The following TLN2 variants were observed in gnomAD, a reference collection of about 807,000 sequenced individuals.
The protein encoded by TLN2 is talin-2.
A neutral mutation model predicts 294.7 loss-of-function variants in TLN2; 118 were observed. The ratio of observed to expected loss-of-function variants is 0.40; its 90% CI spans 0.34 to 0.47. The LOEUF (loss-of-function observed/expected upper bound fraction) is 0.47. Among genes scored for constraint, TLN2 ranks in the 20% least tolerant of loss-of-function variants. The pLI is 0.84. For synonymous variants in TLN2, 1,431 were observed against 1,304.5 expected (o/e 1.10, Z -2.09); for missense variants, 3,083 against 3,282.2 (o/e 0.94, Z 1.48).
At chr15:62,698,085 T>C (rs1445895330) in intron 15 of TLN2, among the ~76,000 whole-genome samples, 1 of 152,204 alleles carries the variant, frequency 6.6e-6, no homozygotes, top group Non-Finnish European at 1.5e-5. Context: ...AGGGAGCTCT[T>C]AACATGACTT....
intron 44 of TLN2, among the ~76,000 whole-genome samples, chr15:62,782,552 A>T (rs1393698438): frequency 6.6e-6 from 1 of 152,232 alleles, no homozygotes; most frequent in Non-Finnish European, 1.5e-5. Context: ...CTCAGGCTGC[A>T]TGGCCACTCC....
At chr15:62,801,058 A>C (rs1878782) in intron 50 of TLN2, among the ~76,000 whole-genome samples, 2 of 152,156 alleles carry the variant, frequency 1.3e-5, no homozygotes, top group Non-Finnish European at 2.9e-5. Context: ...ATTGTCAAAG[A>C]TTCCTGGAAA....
intron 1 of TLN2, among the ~76,000 whole-genome samples, chr15:62,466,834 C>T (rs398231): frequency 0.95 from 144,637 of 152,282 alleles, 69,120 homozygotes; most frequent in East Asian, 1. Context: ...ATGCTGATGA[C>T]ACTGACTCTG....
chr15:62,644,628 G>A (rs893377447), intron 3 of TLN2: 2 of 455,906 alleles, frequency 4.4e-6, no homozygotes, highest in Non-Finnish European at 4.4e-6. Flanking sequence ...CCTCTCTCCT[G>A]TGCACCTTGC....
At chr15:62,503,788 C>T (rs62006689) in intron 1 of TLN2, among the ~76,000 whole-genome samples, 1,729 of 152,286 alleles carry the variant, frequency 0.011, 20 homozygotes, top group Non-Finnish European at 0.015. Flanking sequence ...GTGAGCTTGT[C>T]AGAGAACCTG....
chr15:62,816,995 A>G (rs1168049391), intron 52 of TLN2, among the ~76,000 whole-genome samples: 8 of 152,174 alleles, frequency 5.3e-5, no homozygotes, highest in Non-Finnish European at 2.9e-5. Flanking sequence ...TACACACCAG[A>G]AGAATTTTAT....
At chr15:62,502,316 A>G (rs1205201536) in intron 1 of TLN2, among the ~76,000 whole-genome samples, 5 of 152,278 alleles carry the variant, frequency 3.3e-5, no homozygotes, top group African/African-American at 9.6e-5. Context: ...TGGAGTTGCT[A>G]GAAAACAAAG....
chr15:62,509,010 C>T (rs1595972487), intron 1 of TLN2, among the ~76,000 whole-genome samples: 2 of 152,298 alleles, frequency 1.3e-5, no homozygotes, highest in South Asian at 2.1e-4. Context: ...TCCTAACATT[C>T]CTATGAGGTA....
intron 1 of TLN2, among the ~76,000 whole-genome samples, chr15:62,417,842 C>G (rs959857115): frequency 1.3e-5 from 2 of 152,192 alleles, no homozygotes; most frequent in Non-Finnish European, 2.9e-5. Flanking sequence ...TCAGGCCTTC[C>G]CCTCCCTTTT....
intron 32 of TLN2, among the ~76,000 whole-genome samples, chr15:62,742,980 G>A (rs77975738): frequency 0.015 from 2,299 of 152,226 alleles, 51 homozygotes; most frequent in African/African-American, 0.051. Flanking sequence ...GGCCTGATGT[G>A]GGTGACGCCC....
chr15:62,545,366 A>G (rs1034533957), intron 1 of TLN2, among the ~76,000 whole-genome samples: 8 of 152,158 alleles, frequency 5.3e-5, no homozygotes, highest in African/African-American at 1.9e-4. Flanking sequence ...AAAAGTCCAC[A>G]TTTGTCTGTT....
At chr15:62,552,865 G>C (rs2042400292) in intron 1 of TLN2, among the ~76,000 whole-genome samples, 1 of 152,180 alleles carries the variant, frequency 6.6e-6, no homozygotes, top group Non-Finnish European at 1.5e-5. Context: ...TAGGAGCAGA[G>C]GTTCAGTATT....
chr15:62,432,256 G>A (rs2035048639), intron 1 of TLN2, among the ~76,000 whole-genome samples: 1 of 152,174 alleles, frequency 6.6e-6, no homozygotes, highest in Admixed American at 6.5e-5. Context: ...ATTTTAGTCT[G>A]TTTCATGATG....
At chr15:62,728,385 G>A (rs1365274782) in intron 28 of TLN2, among the ~76,000 whole-genome samples, 3 of 152,122 alleles carry the variant, frequency 2.0e-5, no homozygotes, top group South Asian at 2.1e-4. Flanking sequence ...GGGCATTTGG[G>A]TTGTTGCCAA....
intron 26 of TLN2, among the ~76,000 whole-genome samples, chr15:62,723,852 A>AT (rs2060290319): frequency 6.6e-6 from 1 of 151,356 alleles, no homozygotes; most frequent in South Asian, 2.1e-4. Context: ...ACCCGGCAAT[A>AT]TTTTTTAATA....
At chr15:62,727,671 C>T (rs1264112771) in intron 28 of TLN2, among the ~76,000 whole-genome samples, 1 of 152,078 alleles carries the variant, frequency 6.6e-6, no homozygotes, top group Non-Finnish European at 1.5e-5. Context: ...GGCCAGGTAC[C>T]CCTGAAGGTA....
chr15:62,569,339 G>A (rs1376156388), intron 1 of TLN2, among the ~76,000 whole-genome samples: 1 of 152,242 alleles, frequency 6.6e-6, no homozygotes, highest in Non-Finnish European at 1.5e-5. Context: ...AGAGGCAGAG[G>A]TATGCTCTCA....
At chr15:62,837,284 G>T (rs563469135) in intron 57 of TLN2, among the ~76,000 whole-genome samples, 1 of 152,162 alleles carries the variant, frequency 6.6e-6, no homozygotes, top group African/African-American at 2.4e-5. Context: ...CTGCATGTTC[G>T]TTTGTGAATA....
chr15:62,413,283 G>A (rs946167932), intron 1 of TLN2, among the ~76,000 whole-genome samples: 3 of 152,152 alleles, frequency 2.0e-5, no homozygotes, highest in Admixed American at 6.5e-5. Flanking sequence ...TCAGAATCCA[G>A]GGATCTTATT....
Sources: gnomAD v4.1 joint callset for allele counts (sites outside exome capture counted in the v4.1 genomes callset) on GRCh38, gnomAD v4.1.1 for gene constraint, MANE v1.5 for transcripts, NCBI Gene and HGNC (gene_info 2026-07-23, HGNC 2026-07-21) for gene names.